CEP128: variants seen among roughly 807,000 people sequenced by gnomAD.
CEP128 encodes centrosomal protein 128kDa.
A neutral mutation model predicts 156.7 loss-of-function variants in CEP128; 132 were observed. The observed-to-expected ratio is 0.84, with a 90% CI of 0.73 to 0.97. The LOEUF is 0.97. Among genes scored for constraint, CEP128 ranks in the 50% least tolerant of loss-of-function variants. The pLI is 0.00. For synonymous variants in CEP128, 469 were observed against 448.9 expected, an observed-to-expected ratio of 1.04 and a Z score of -0.57; for missense variants, 1,252 against 1,281.9, an observed-to-expected ratio of 0.98 and a Z score of 0.36.
intron 8 of CEP128, among the ~76,000 whole-genome samples, chr14:80,885,361 A>C (rs1029371377): frequency 6.6e-6 from 1 of 152,076 alleles, no homozygotes; most frequent in Non-Finnish European, 1.5e-5. Context: ...GTCAACAGAC[A>C]CCTCATACAG....
chr14:80,481,305 C>T (rs4899769), intron 14 of CEP128, among the ~76,000 whole-genome samples: 44,927 of 152,008 alleles, frequency 0.3, 7,382 homozygotes, highest in Admixed American at 0.41. Flanking sequence ...AGCAGAAACC[C>T]CTGATAAACC....
Position 80,929,941 on chromosome 14 carries a change from C to T in CEP128, c.-16+9444G>A, listed in dbSNP as rs547720854. On this transcript the variant is annotated intron_variant, in intron 2 of 24. Coordinates refer to ENST00000555265, the MANE Select transcript of CEP128 (RefSeq NM_152446.5). ...GGGATGCAGAGCAGCAGGTGAACAG[C>T]GGGTGGGTGAGCAAAGTTTCATCTG... Among the ~76,000 whole-genome samples, 27 of 152,286 alleles carry T rather than the reference C, an allele frequency of 1.8e-4. 1 individual carries two copies. The South Asian group carries it at 4.3e-3, about 25-fold the overall frequency.
chr14:80,818,429 A>C (rs976291285), intron 13 of CEP128, among the ~76,000 whole-genome samples: 1 of 152,276 alleles, frequency 6.6e-6, no homozygotes, highest in African/African-American at 2.4e-5. Flanking sequence ...TTAGCCTTAC[A>C]AGGAATACCA....
In CEP128 at chr14:80,855,700, C is replaced by T. The variant is rs575038192; in HGVS notation, c.762+7057G>A. On this transcript the variant is annotated intron_variant, in intron 9 of 24. Coordinates refer to ENST00000555265, the MANE Select transcript of CEP128 (RefSeq NM_152446.5). ...TCTGCCAGCCTTGGAAAGGCCTCCA[C>T]GACTCCAAACAAAGTAGGGGAGTCT... 9.9e-5 allele frequency among the ~76,000 whole-genome samples: 15 copies of T among 152,166 alleles called. No individual in the cohort carries two copies. The South Asian group carries it at 1.2e-3, about 13-fold the overall frequency.
intron 19 of CEP128, among the ~76,000 whole-genome samples, chr14:80,676,523 A>C (rs1896068511): frequency 6.6e-6 from 1 of 152,166 alleles, no homozygotes; most frequent in Non-Finnish European, 1.5e-5. Context: ...TTATACCATA[A>C]ATATCTTCAT....
At chr14:80,743,021 A>G in intron 19 of CEP128, 54 bp downstream of exon 19, 1 of 1,513,080 alleles carries the variant, frequency 6.6e-7, no homozygotes, top group Non-Finnish European at 9.1e-7. Flanking sequence ...CAATCCTAGG[A>G]TTAGGATTCC....
chr14:80,619,367 GACACACACACACACAC>G (rs34190837), intron 19 of CEP128, among the ~76,000 whole-genome samples: 5 of 139,374 alleles, frequency 3.6e-5, no homozygotes, highest in African/African-American at 1.1e-4. Context: ...AAGACACACA[GACACACACACACACAC>G]ACACACACAC....
At chr14:80,938,527 G>A (rs1158280644) in intron 2 of CEP128, among the ~76,000 whole-genome samples, 8 of 152,060 alleles carry the variant, frequency 5.3e-5, no homozygotes, top group African/African-American at 1.4e-4. Flanking sequence ...GATTACAGGC[G>A]TGAGCCACCG....
chr14:80,824,757 C>G (rs1885377190), intron 13 of CEP128, among the ~76,000 whole-genome samples: 1 of 152,214 alleles, frequency 6.6e-6, no homozygotes, highest in Non-Finnish European at 1.5e-5. Flanking sequence ...TCCAAACGTT[C>G]CCACATTTTC....
At chr14:80,591,776 T>C (rs1054606827) in intron 19 of CEP128, among the ~76,000 whole-genome samples, 2 of 152,050 alleles carry the variant, frequency 1.3e-5, no homozygotes, top group African/African-American at 4.8e-5. Flanking sequence ...CATCAGCAAA[T>C]GCAAAATAAT....
chr14:80,575,983 T>C (rs1454652885), intron 20 of CEP128, among the ~76,000 whole-genome samples: 3 of 151,924 alleles, frequency 2.0e-5, no homozygotes, highest in Admixed American at 2.0e-4. Context: ...GCACATGAGT[T>C]TTGCAGATAC....
intron 19 of CEP128, among the ~76,000 whole-genome samples, chr14:80,617,271 C>T (rs906964763): frequency 1.8e-5 from 2 of 109,796 alleles, no homozygotes; most frequent in Non-Finnish European, 3.4e-5. Context: ...TGCTCTGTCA[C>T]CCAGGCTGGA....
intron 15 of CEP128, among the ~76,000 whole-genome samples, chr14:80,780,808 T>C (rs145019387): frequency 4.6e-5 from 7 of 152,236 alleles, no homozygotes; most frequent in Non-Finnish European, 1.0e-4. Flanking sequence ...ATCTTCTGTA[T>C]GTCTGGAACA....
chr14:80,755,804 C>G (rs139104023), intron 18 of CEP128, among the ~76,000 whole-genome samples: 201 of 152,232 alleles, frequency 1.3e-3, no homozygotes, highest in African/African-American at 4.7e-3. Flanking sequence ...TTCAATTCCC[C>G]CTTAGTCAGT....
intron 19 of CEP128, among the ~76,000 whole-genome samples, chr14:80,583,417 G>A (rs1410344352): frequency 6.6e-6 from 1 of 151,884 alleles, no homozygotes; most frequent in Non-Finnish European, 1.5e-5. Context: ...TTGGTCAAGA[G>A]GCCTAACTAA....
In CEP128 at chr14:80,788,286, A is replaced by AAC. The variant is rs1901517850; in HGVS notation, c.1561-2742_1561-2741insGT. On this transcript the variant is annotated intron_variant, in intron 14 of 24. Coordinates refer to ENST00000555265, the MANE Select transcript of CEP128 (RefSeq NM_152446.5). ...ATTGGGTTCTCTTTGTCTGGCCAGG[A>AAC]TCTTTTTTTTTTTTTTTTTTTTTTC... 8.9e-5 allele frequency among the ~76,000 whole-genome samples: 6 copies of AAC among 67,198 alleles called. No individual in the cohort carries two copies. The South Asian group carries it at 3.8e-3, about 42-fold the overall frequency. 44.1% of individuals were successfully genotyped at this position (67,198 alleles called of 152,430 possible).
intron 6 of CEP128, among the ~76,000 whole-genome samples, chr14:80,902,976 A>C (rs1883668920): frequency 6.6e-6 from 1 of 152,206 alleles, no homozygotes; most frequent in Non-Finnish European, 1.5e-5. Flanking sequence ...CATTGAAAAT[A>C]AACTAGTTTA....
intron 23 of CEP128, among the ~76,000 whole-genome samples, chr14:80,513,464 T>C (rs947168950): frequency 6.6e-6 from 1 of 152,204 alleles, no homozygotes; most frequent in East Asian, 1.9e-4. Context: ...TTAAATTTAC[T>C]TGGTGTTCTA....
chr14:80,816,951 G>A (rs983382303), intron 13 of CEP128, among the ~76,000 whole-genome samples: 3 of 125,566 alleles, frequency 2.4e-5, no homozygotes, highest in Non-Finnish European at 3.4e-5. Flanking sequence ...TATGTGCTAC[G>A]TTATTGTTTA....
Sources: gnomAD v4.1 joint callset for allele counts (sites outside exome capture counted in the v4.1 genomes callset) on GRCh38, gnomAD v4.1.1 for gene constraint, MANE v1.5 for transcripts, NCBI Gene and HGNC (gene_info 2026-07-23, HGNC 2026-07-21) for gene names.